Variants in AVIL observed in about 807,000 individuals in gnomAD.
AVIL encodes the protein advillin.
AVIL carries 78 observed loss-of-function variants against 109.9 expected under a neutral mutation model. The ratio of observed to expected loss-of-function variants is 0.71; its 90% CI spans 0.59 to 0.86. AVIL has a LOEUF of 0.86. Among genes scored for constraint, AVIL ranks in the 40% least tolerant of loss-of-function variants. The pLI, the probability that AVIL is intolerant of heterozygous loss-of-function variation, is 0.00. For synonymous variants in AVIL, 367 were observed against 379.1 expected (o/e 0.97, Z 0.37); for missense variants, 892 against 1,016.5 (o/e 0.88, Z 1.67).
At chr12:57,818,326 C>T (rs1956122305) in intron 1 of AVIL, among the ~76,000 whole-genome samples, 1 of 151,282 alleles carries the variant, frequency 6.6e-6, no homozygotes, top group South Asian at 2.1e-4. Context: ...AGGTGTAAGC[C>T]ACCTCTCTGG....
intron 19 of AVIL, among the ~76,000 whole-genome samples, chr12:57,798,739 C>G (rs1254688518): frequency 1.3e-5 from 2 of 151,854 alleles, no homozygotes; most frequent in Non-Finnish European, 2.9e-5. Flanking sequence ...CCCTCAGCCT[C>G]CCAAGTAGCT....
At chr12:57,818,328 C>T (rs908844531) in intron 1 of AVIL, among the ~76,000 whole-genome samples, 8 of 151,434 alleles carry the variant, frequency 5.3e-5, no homozygotes, top group African/African-American at 1.9e-4. Context: ...GTGTAAGCCA[C>T]CTCTCTGGGC....
intron 6 of AVIL, 34 bp from the exon 7 acceptor site, chr12:57,810,585 T>C (rs1956024016): frequency 6.2e-7 from 1 of 1,608,106 alleles, no homozygotes. Context: ...CCTCAGCTCC[T>C]CTGGGACCCC....
At chr12:57,809,483 G>A (rs1956004746) in intron 9 of AVIL, 114 bp downstream of exon 9, 2 of 1,232,846 alleles carry the variant, frequency 1.6e-6, no homozygotes, top group Non-Finnish European at 2.3e-6. Context: ...TGCAGTCCAT[G>A]TACGTAAGCA....
At chr12:57,802,463 A>G in intron 16 of AVIL, 115 bp from the exon 17 acceptor site, 1 of 1,290,036 alleles carries the variant, frequency 7.8e-7, no homozygotes. Flanking sequence ...ACAGCCTCAG[A>G]AAACTTTCTC....
intron 18 of AVIL, chr12:57,800,150 C>G: frequency 2.0e-6 from 1 of 507,618 alleles, no homozygotes; most frequent in Non-Finnish European, 3.5e-6. Flanking sequence ...AAGTCCAAGG[C>G]AAGTCCTGTA....
rs1437972226 is a variant in AVIL, at chr12:57,797,485, A to G, written c.*397T>C. ...AGTGCATATATGATTTCAATGATTT[A>G]CAGGCTAAATAGATTTTAGAAATAA... On this transcript the variant is annotated 3_prime_UTR_variant, in exon 20 of 20. Transcript: ENST00000549994. 12 of 981,006 alleles carry G rather than the reference A, an allele frequency of 1.2e-5. No individual in the cohort carries two copies. The South Asian group carries it at 2.4e-4, about 19-fold the overall frequency. The allele number at this position is 981,006 out of a possible 1,614,324, so 60.8% of individuals were successfully genotyped here.
rs919948627 is a variant in AVIL, at chr12:57,809,486, C to T, written c.939+111G>A. ...TCTGCCTGACTTTGCAGTCCATGTA[C>T]GTAAGCACAATGTTATATGCTCAAA... On this transcript the variant is annotated intron_variant, in intron 9 of 19. Coordinates refer to ENST00000549994, the MANE Select transcript of AVIL (RefSeq NM_006576.4). 9.6e-5 allele frequency: 122 copies of T among 1,273,638 alleles called. No homozygotes were observed. In the South Asian group the frequency reaches 1.3e-3, roughly 13 times the overall value. The allele number at this position is 1,273,638 out of a possible 1,614,324, so 78.9% of individuals were successfully genotyped here.
At chr12:57,798,295 GA>G (rs1352327436) in intron 19 of AVIL, among the ~76,000 whole-genome samples, 2 of 152,202 alleles carry the variant, frequency 1.3e-5, no homozygotes, top group Non-Finnish European at 2.9e-5. Flanking sequence ...ATGAATTACA[GA>G]CATCAAATTT....
intron 6 of AVIL, 124 bp downstream of exon 6, chr12:57,810,692 T>C (rs1236073917): frequency 7.3e-7 from 1 of 1,371,422 alleles, no homozygotes; most frequent in Non-Finnish European, 1.0e-6. Context: ...ACTCACACAC[T>C]TGGCCTGTCT....
intron 3 of AVIL, 150 bp downstream of exon 3, chr12:57,814,002 C>CA (rs1396869448): frequency 2.6e-6 from 2 of 771,048 alleles, no homozygotes; most frequent in African/African-American, 3.5e-5. Flanking sequence ...CTTTGATAGT[C>CA]AGACTGGAGG....
At chr12:57,800,158 G>A in intron 18 of AVIL, 1 of 445,360 alleles carries the variant, frequency 2.2e-6, no homozygotes, top group South Asian at 3.3e-5. Context: ...GGCAAGTCCT[G>A]TATAGCTAGT....
chr12:57,810,086 A>G (rs1397535982), intron 7 of AVIL, among the ~76,000 whole-genome samples, 196 bp from the exon 8 acceptor site: 1 of 152,094 alleles, frequency 6.6e-6, no homozygotes, highest in East Asian at 1.9e-4. Context: ...CTCTCTCCCA[A>G]ACATTATCCC....
rs1479185688 is a variant in AVIL, at chr12:57,809,846, G to A, written c.806C>T (p.Thr269Ile). The part of the protein sequence containing the change: ...AGQLAVTEVA[T>I]RPLVQDLLNH... ...CAGTAAGTCCTGGACCAGAGGCCTT[G>A]TTGCTACCTCTGTGACTGCCAGCTG... Residue 269 changes from threonine (T) to isoleucine (I), a missense_variant, in exon 8 of 20, where the codon ACA becomes ATA. By Grantham distance (89) the Thr-to-Ile change is moderately conservative. Transcript: ENST00000549994. 2.5e-6 allele frequency: 4 copies of A among 1,614,232 alleles called. No homozygotes were observed. The highest frequency in any genetic ancestry group is 3.4e-6 in the Non-Finnish European group (4 of 1,180,034).
chr12:57,809,008 CTT>C (rs753681840), intron 9 of AVIL: 186 of 153,724 alleles, frequency 1.2e-3, no homozygotes, highest in South Asian at 4.3e-3. Flanking sequence ...GTTCTGAGTG[CTT>C]TTTTTTTTTT....
chr12:57,802,619 C>G (rs1955873165), intron 16 of AVIL: 1 of 702,346 alleles, frequency 1.4e-6, no homozygotes, highest in South Asian at 1.5e-5. Context: ...TCTTGCAGAA[C>G]ACCTCCTCTT....
At chr12:57,811,660 G>C (rs1956040005) in intron 4 of AVIL, among the ~76,000 whole-genome samples, 1 of 152,260 alleles carries the variant, frequency 6.6e-6, no homozygotes, top group Non-Finnish European at 1.5e-5. Context: ...GAGCAGAGGG[G>C]CTCTGTCCTT....
intron 1 of AVIL, among the ~76,000 whole-genome samples, chr12:57,818,185 T>TTTTTTTTTTTTTTTG: frequency 1.9e-5 from 1 of 53,698 alleles, no homozygotes; most frequent in Non-Finnish European, 3.5e-5. Context: ...TGCTTGGCTT[T>TTTTTTTTTTTTTTTG]TTTTTTTTTT....
intron 16 of AVIL, 41 bp downstream of exon 16, chr12:57,803,206 G>A: frequency 6.2e-7 from 1 of 1,612,362 alleles, no homozygotes; most frequent in Non-Finnish European, 8.5e-7. Flanking sequence ...CCTTACTGTG[G>A]GAGTCTTTCT....
Sources: gnomAD v4.1 joint callset for allele counts (sites outside exome capture counted in the v4.1 genomes callset) on GRCh38, gnomAD v4.1.1 for gene constraint, MANE v1.5 for transcripts, NCBI Gene and HGNC (gene_info 2026-07-23, HGNC 2026-07-21) for gene names.